Variants in CSMD1 observed in about 807,000 individuals in gnomAD.
The protein encoded by CSMD1 is CUB and Sushi multiple domains 1.
Under a neutral mutation model 417.5 loss-of-function variants are expected in CSMD1, and 213 were observed. The ratio of observed to expected loss-of-function variants is 0.51; its 90% CI spans 0.46 to 0.57. The LOEUF is 0.57. CSMD1 is among the 20% of genes least tolerant of loss of function. The probability of loss-of-function intolerance (pLI) is 0.00; values close to 1 mark genes in which losing one functional copy is unlikely to be tolerated. For synonymous variants in CSMD1, 2,862 were observed against 1,736.8 expected, an observed-to-expected ratio of 1.65 and a Z score of -16.11; for missense variants, 6,923 against 4,529.7, an observed-to-expected ratio of 1.53 and a Z score of -15.17.
chr8:4,744,183 A>T (rs1810805272), intron 1 of CSMD1, among the ~76,000 whole-genome samples: 1 of 151,946 alleles, frequency 6.6e-6, no homozygotes, highest in Non-Finnish European at 1.5e-5. Flanking sequence ...TCCAGGCCAA[A>T]CACAGGGACT....
At chr8:4,019,877 T>G (rs1796703312) in intron 4 of CSMD1, among the ~76,000 whole-genome samples, 1 of 151,042 alleles carries the variant, frequency 6.6e-6, no homozygotes, top group South Asian at 2.1e-4. Flanking sequence ...CAAGTCAGTC[T>G]GCTAGTTTCT....
chr8:3,439,309 A>ATATATATTTTTTTT, intron 12 of CSMD1, among the ~76,000 whole-genome samples: 3 of 62,454 alleles, frequency 4.8e-5, no homozygotes, highest in East Asian at 1.1e-3. Context: ...ATATATATAT[A>ATATATATTTTTTTT]TTTTTTTTTT....
chr8:4,689,710 A>G (rs1806637230), intron 1 of CSMD1, among the ~76,000 whole-genome samples: 1 of 152,164 alleles, frequency 6.6e-6, no homozygotes, highest in South Asian at 2.1e-4. Context: ...TGGCCAAATG[A>G]ACTGCAGATC....
intron 26 of CSMD1, among the ~76,000 whole-genome samples, chr8:3,232,518 T>C (rs1798901776): frequency 6.6e-6 from 1 of 152,234 alleles, no homozygotes; most frequent in Non-Finnish European, 1.5e-5. Context: ...TTTTTCTTTT[T>C]ACCCTTATAT....
chr8:3,973,232 C>T (rs1295790436), intron 5 of CSMD1, among the ~76,000 whole-genome samples: 1 of 152,162 alleles, frequency 6.6e-6, no homozygotes, highest in East Asian at 1.9e-4. Context: ...TAGAGCTGTT[C>T]CCTGGCAGGT....
At chr8:3,190,414 G>A (rs899439001) in intron 33 of CSMD1, among the ~76,000 whole-genome samples, 5 of 152,138 alleles carry the variant, frequency 3.3e-5, no homozygotes, top group Admixed American at 6.6e-5. Context: ...GAGGAAAACG[G>A]CATAAAAAGA....
rs1804251520 is a variant in CSMD1, at chr8:4,266,694, ATACT to A, written c.415+153255_415+153258del. Among the ~76,000 whole-genome samples, 2 of 104,964 alleles carry A rather than the reference ATACT, an allele frequency of 1.9e-5. 1 individual carries two copies. Among genetic ancestry groups the A allele is most frequent in the Non-Finnish European group, 5.1e-5 (2 of 38,916 alleles). The allele number at this position is 104,964 out of a possible 152,430, so 68.9% of individuals were successfully genotyped here. ...TTGAAAAATACATTATCAAAGAATT[ATACT>A]TAGTTTTATACATTATACAAAAATT... On this transcript the variant is annotated intron_variant, in intron 3 of 69. Coordinates refer to ENST00000635120, the MANE Select transcript of CSMD1 (RefSeq NM_033225.6).
intron 2 of CSMD1, among the ~76,000 whole-genome samples, chr8:4,604,790 T>A (rs1800781460): frequency 6.6e-6 from 1 of 152,212 alleles, no homozygotes; most frequent in Non-Finnish European, 1.5e-5. Context: ...GATCTACTTC[T>A]TCCTCAATAT....
chr8:4,310,088 T>C (rs1052318623), intron 3 of CSMD1, among the ~76,000 whole-genome samples: 1 of 152,166 alleles, frequency 6.6e-6, no homozygotes, highest in Non-Finnish European at 1.5e-5. Context: ...TCTGCAATTA[T>C]CACCTCTCAG....
At chr8:4,572,015 C>T (rs993337517) in intron 2 of CSMD1, among the ~76,000 whole-genome samples, 4 of 152,208 alleles carry the variant, frequency 2.6e-5, no homozygotes, top group African/African-American at 9.7e-5. Context: ...CTATGTGTGT[C>T]TTCGCACATG....
intron 26 of CSMD1, among the ~76,000 whole-genome samples, chr8:3,264,459 G>C (rs549181218): frequency 6.6e-6 from 1 of 152,138 alleles, no homozygotes; most frequent in South Asian, 2.1e-4. Flanking sequence ...CTGTCAGTTT[G>C]AATCGAGTGA....
chr8:3,697,240 G>C (rs1177695571), intron 7 of CSMD1, among the ~76,000 whole-genome samples: 3 of 152,150 alleles, frequency 2.0e-5, no homozygotes, highest in African/African-American at 4.8e-5. Flanking sequence ...GTCAGTTTCA[G>C]TTTCATGATT....
At chr8:3,754,141 T>A (rs1797525549) in intron 5 of CSMD1, 99 bp from the exon 6 acceptor site, 3 of 681,198 alleles carry the variant, frequency 4.4e-6, no homozygotes, top group South Asian at 3.6e-5. Context: ...AAATCCTTCA[T>A]CTTGAGATGC....
chr8:4,073,094 C>G (rs1014825415), intron 3 of CSMD1, among the ~76,000 whole-genome samples: 1 of 152,118 alleles, frequency 6.6e-6, no homozygotes, highest in African/African-American at 2.4e-5. Flanking sequence ...TCCACTATGT[C>G]TTATTTCCTG....
At chr8:4,804,503 T>A (rs1798482753) in intron 1 of CSMD1, among the ~76,000 whole-genome samples, 1 of 151,182 alleles carries the variant, frequency 6.6e-6, no homozygotes, top group Non-Finnish European at 1.5e-5. Flanking sequence ...TGACTTTATA[T>A]TACCACCAGA....
At chr8:2,946,192 G>A (rs1802221021) in intron 68 of CSMD1, among the ~76,000 whole-genome samples, 3 of 152,178 alleles carry the variant, frequency 2.0e-5, no homozygotes, top group African/African-American at 7.2e-5. Context: ...GGTCACTGGT[G>A]CATATGCGAT....
intron 1 of CSMD1, among the ~76,000 whole-genome samples, chr8:4,702,249 A>G (rs1361570101): frequency 6.6e-6 from 1 of 152,160 alleles, no homozygotes; most frequent in Non-Finnish European, 1.5e-5. Flanking sequence ...TGTACCCAAT[A>G]ACTTAAAATA....
At chr8:3,556,996 A>G (rs1239809499) in intron 10 of CSMD1, among the ~76,000 whole-genome samples, 1 of 152,216 alleles carries the variant, frequency 6.6e-6, no homozygotes, top group Non-Finnish European at 1.5e-5. Context: ...AGTCCTTTGC[A>G]GTATCCTCTT....
intron 12 of CSMD1, among the ~76,000 whole-genome samples, chr8:3,448,397 G>C (rs1437031970): frequency 7.6e-6 from 1 of 131,598 alleles, no homozygotes; most frequent in Non-Finnish European, 1.7e-5. Flanking sequence ...GGAGGAGGAA[G>C]GGAAGGAAGG....
Sources: gnomAD v4.1 joint callset for allele counts (sites outside exome capture counted in the v4.1 genomes callset) on GRCh38, gnomAD v4.1.1 for gene constraint, MANE v1.5 for transcripts, NCBI Gene and HGNC (gene_info 2026-07-23, HGNC 2026-07-21) for gene names.